The following ARHGEF17 variants were observed in gnomAD, a reference collection of about 807,000 sequenced individuals.
ARHGEF17 encodes 164 kDa Rho-specific guanine-nucleotide exchange factor.
In ARHGEF17, 80 loss-of-function variants were observed where a neutral mutation model predicts 174.0. The ratio of observed to expected loss-of-function variants is 0.46; its 90% CI spans 0.38 to 0.55. The LOEUF is 0.55. Among genes scored for constraint, ARHGEF17 ranks in the 20% least tolerant of loss-of-function variants. The pLI is 0.00. For missense variants in ARHGEF17, 2,886 were observed against 2,839.7 expected (o/e 1.02, Z -0.37); for synonymous variants, 1,311 against 1,189.1 (o/e 1.10, Z -2.11).
chr11:73,350,811 G>T (rs17310347), intron 2 of ARHGEF17, among the ~76,000 whole-genome samples: 6 of 151,950 alleles, frequency 3.9e-5, no homozygotes, highest in Non-Finnish European at 8.8e-5. Context: ...TCTCTTTTCC[G>T]TAGCACTCAC....
intron 1 of ARHGEF17, among the ~76,000 whole-genome samples, chr11:73,332,120 C>T (rs1865214494): frequency 6.6e-6 from 1 of 152,216 alleles, no homozygotes; most frequent in African/African-American, 2.4e-5. Flanking sequence ...TCTGGTTATT[C>T]ATAACAGCCA....
chr11:73,357,711 G>A (rs533388876), intron 9 of ARHGEF17, among the ~76,000 whole-genome samples: 1 of 152,364 alleles, frequency 6.6e-6, no homozygotes, highest in African/African-American at 2.4e-5. Context: ...ACTCGCTTGA[G>A]TTACTGCAAG....
At chr11:73,334,813 C>T (rs1253638922) in intron 1 of ARHGEF17, among the ~76,000 whole-genome samples, 2 of 152,046 alleles carry the variant, frequency 1.3e-5, no homozygotes, top group Admixed American at 1.3e-4. Context: ...GGAAACAGAC[C>T]CTGGATAACT....
intron 7 of ARHGEF17, 97 bp downstream of exon 7, chr11:73,356,856 C>A: frequency 6.4e-7 from 1 of 1,572,216 alleles, no homozygotes; most frequent in South Asian, 1.1e-5. Flanking sequence ...CCTGCTCTTT[C>A]ACCCCGAGGG....
intron 1 of ARHGEF17, among the ~76,000 whole-genome samples, chr11:73,331,561 A>G (rs961244310): frequency 6.7e-6 from 1 of 148,528 alleles, no homozygotes; most frequent in Admixed American, 6.7e-5. Flanking sequence ...CCTGTTGTCC[A>G]GGGAGGAGGC....
At chr11:73,343,972 C>T (rs1248410130) in intron 1 of ARHGEF17, among the ~76,000 whole-genome samples, 8 of 152,198 alleles carry the variant, frequency 5.3e-5, no homozygotes, top group Non-Finnish European at 1.0e-4. Context: ...GCCTTTATGG[C>T]GTCTCTGTGT....
intron 1 of ARHGEF17, among the ~76,000 whole-genome samples, chr11:73,312,214 G>C (rs1486746502): frequency 6.6e-6 from 1 of 152,198 alleles, no homozygotes; most frequent in East Asian, 1.9e-4. Flanking sequence ...TCCTTTCTCT[G>C]AGGCTTGCTA....
chr11:73,362,003 C>G, intron 12 of ARHGEF17, 37 bp from the exon 13 acceptor site: 1 of 1,596,862 alleles, frequency 6.3e-7, no homozygotes, highest in Non-Finnish European at 8.6e-7. Flanking sequence ...AGCAGTTCCT[C>G]CATTCACCTT....
chr11:73,353,083 A>G (rs1865582429), intron 3 of ARHGEF17, 71 bp downstream of exon 3: 4 of 1,574,282 alleles, frequency 2.5e-6, no homozygotes, highest in Admixed American at 1.7e-5. Flanking sequence ...GTGGCCACGG[A>G]CCCCACCCCC....
In ARHGEF17 at chr11:73,309,645, C is replaced by T. The variant is rs1225763295; in HGVS notation, c.1007C>T (p.Pro336Leu). ...GAGCCCCCAACATCTCCAAGAGCCC[C>T]TAGAGAAGAAGGACTCCGGGAGTGG... ...SPEPPTSPRA[P>L]REEGLREWGS... Residue 336 changes from proline to leucine, a missense_variant, in exon 1 of 21, where the codon CCT becomes CTT. Pro to Leu is a moderately conservative substitution (Grantham distance 98, BLOSUM62 -3). Around this residue, in one of 4 missense-constraint regions of ARHGEF17, gnomAD observed 1,728 missense variants for 1,461.2 expected, o/e 1.18. Transcript: ENST00000263674. 1.9e-6 allele frequency: 3 copies of T among 1,613,094 alleles called. No homozygotes were observed. Among genetic ancestry groups the T allele is most frequent in the Non-Finnish European group, 8.5e-7 (1 of 1,180,026 alleles).
At chr11:73,346,077 G>T (rs575971061) in intron 1 of ARHGEF17, among the ~76,000 whole-genome samples, 224 of 152,200 alleles carry the variant, frequency 1.5e-3, no homozygotes, top group African/African-American at 5.1e-3. Flanking sequence ...TGGGGGTGTG[G>T]GTGCAGAGGC....
At position 73,362,712 on chromosome 11, in the gene ARHGEF17, C is replaced by A; in HGVS notation, c.4974C>A (p.Ser1658=). ...SGTLQSQASR[S]TISSSFGNEE... ...CGCTGCAGAGCCAGGCCAGCCGGTC[C>A]ACCATCTCCTCCAGCTTTGGCAGTG... The change falls in exon 14 of 21, where the codon TCC becomes TCA. Residue 1658 remains serine, a synonymous_variant. Coordinates refer to ENST00000263674, the MANE Select transcript of ARHGEF17 (RefSeq NM_014786.4). 2.5e-6 allele frequency: 4 copies of A among 1,605,020 alleles called. No individual in the cohort carries two copies. The highest frequency in any genetic ancestry group is 3.4e-6 in the Non-Finnish European group (4 of 1,177,018).
In ARHGEF17 at chr11:73,357,107, G is replaced by C. The variant is rs751568946; in HGVS notation, c.3974G>C (p.Gly1325Ala). The C allele has an allele frequency of 6.2e-7, 1 of 1,614,180 alleles. No homozygotes were observed. Among genetic ancestry groups the C allele is most frequent in the East Asian group, 2.2e-5 (1 of 44,878 alleles). ...IVCTTLKRKS[G>A]SLRRSSMSLY... Reference sequence around the variant, plus strand: ...TGCACCACTCTGAAGCGAAAGTCAGGCTCCCTGCGGCGCAGCTCCATGAGC... The same window carrying C: ...TGCACCACTCTGAAGCGAAAGTCAGCCTCCCTGCGGCGCAGCTCCATGAGC... Residue 1325 changes from glycine to alanine, a missense_variant, in exon 8 of 21, where the codon GGC (glycine) becomes GCC (alanine). Transcript: ENST00000263674.
chr11:73,364,749 GTCC>G (rs1016810361), intron 18 of ARHGEF17, 149 bp downstream of exon 18: 3 of 963,676 alleles, frequency 3.1e-6, no homozygotes, highest in South Asian at 1.9e-5. Flanking sequence ...GCCAGTCCCT[GTCC>G]TCCTTCGATC....
At chr11:73,348,367 T>A (rs1174005513) in intron 2 of ARHGEF17, among the ~76,000 whole-genome samples, 5 of 152,064 alleles carry the variant, frequency 3.3e-5, no homozygotes, top group Non-Finnish European at 7.4e-5. Flanking sequence ...CAGCCAGACA[T>A]CAACACACAG....
At chr11:73,360,580 A>G (rs750725622) in intron 11 of ARHGEF17, 47 bp downstream of exon 11, 6 of 1,597,276 alleles carry the variant, frequency 3.8e-6, no homozygotes, top group Non-Finnish European at 4.3e-6. Flanking sequence ...GCTTCCAGGC[A>G]GGAGGCCAGA....
intron 9 of ARHGEF17, among the ~76,000 whole-genome samples, chr11:73,359,210 C>A (rs1315650523): frequency 6.6e-6 from 1 of 152,212 alleles, no homozygotes; most frequent in Non-Finnish European, 1.5e-5. Flanking sequence ...TAGGAAAAAG[C>A]AAAAAGACAC....
intron 1 of ARHGEF17, chr11:73,343,089 G>GC (rs1037654284): frequency 2.8e-5 from 5 of 175,746 alleles, no homozygotes; most frequent in South Asian, 2.1e-4. Flanking sequence ...GCTGACCCCC[G>GC]CCCCCCGCCC....
Position 73,310,714 on chromosome 11 carries a change from G to T in ARHGEF17, c.2076G>T (p.Trp692Cys). The stretch of plus-strand genomic sequence containing the variant: ...GGACTGAGGACAGTCTGGGCGGGTG[G>T]GCCCTGGTGTCGCCTGAGACCCCTC... ...GPGTEDSLGG[W>C]ALVSPETPPT... is the part of the protein sequence containing the mutation. Residue 692 changes from tryptophan to cysteine, a missense_variant, in exon 1 of 21, where the codon TGG becomes TGT. By Grantham distance (215) the Trp-to-Cys change is radical (BLOSUM62 -2). This residue lies in a region of ARHGEF17 where 1,728 missense variants were observed against 1,461.2 expected (regional missense o/e 1.18). Coordinates refer to ENST00000263674, the MANE Select transcript of ARHGEF17 (RefSeq NM_014786.4). 1 of 1,613,132 alleles carries T rather than the reference G, an allele frequency of 6.2e-7. No individual in the cohort carries two copies. The highest frequency in any genetic ancestry group is 8.5e-7 in the Non-Finnish European group (1 of 1,179,696).
Sources: allele counts gnomAD v4.1 joint callset (sites outside exome capture counted in the v4.1 genomes callset), GRCh38; gene constraint gnomAD v4.1.1; regional missense constraint gnomAD v4.1.1; transcripts MANE v1.5; gene names NCBI Gene and HGNC (gene_info 2026-07-23, HGNC 2026-07-21).